Variants in FLT1 observed in about 807,000 individuals in gnomAD.
The protein encoded by FLT1 is fms related receptor tyrosine kinase 1.
In FLT1, 49 loss-of-function variants were observed where a neutral mutation model predicts 156.3. The ratio of observed to expected loss-of-function variants is 0.31; its 90% CI spans 0.25 to 0.40. The LOEUF is 0.40. Ranked by LOEUF, FLT1 falls within the 10% of genes least tolerant of loss-of-function variation. FLT1 has a pLI of 1.00. For missense variants in FLT1, 1,322 were observed against 1,637.2 expected, an observed-to-expected ratio of 0.81 and a Z score of 3.32; for synonymous variants, 594 against 583.8, an observed-to-expected ratio of 1.02 and a Z score of -0.25.
At chr13:28,485,453 T>C (rs1881096728) in intron 1 of FLT1, among the ~76,000 whole-genome samples, 1 of 152,136 alleles carries the variant, frequency 6.6e-6, no homozygotes, top group African/African-American at 2.4e-5. Context: ...TTTTATTTTT[T>C]ATTTATTTAT....
chr13:28,473,765 GGAAGGAAGGAAGGAAA>G (rs1317649912), intron 1 of FLT1, among the ~76,000 whole-genome samples: 177 of 92,448 alleles, frequency 1.9e-3, no homozygotes, highest in African/African-American at 5.5e-3. Flanking sequence ...AAGGAAGGAA[GGAAGGAAGGAAGGAAA>G]GAAAGAAAGA....
chr13:28,426,810 A>C (rs547012606), intron 10 of FLT1, among the ~76,000 whole-genome samples: 5 of 152,338 alleles, frequency 3.3e-5, no homozygotes, highest in Admixed American at 2.0e-4. Flanking sequence ...ATGCTAATGC[A>C]ACTGACATAG....
intron 1 of FLT1, among the ~76,000 whole-genome samples, chr13:28,481,561 T>G (rs893670177): frequency 6.6e-6 from 1 of 152,104 alleles, no homozygotes; most frequent in African/African-American, 2.4e-5. Context: ...TGGCTCAGGA[T>G]ATGATTTCAG....
chr13:28,308,936 G>C lies in FLT1; in HGVS notation c.3636-9C>G. On this transcript the variant is annotated splice_polypyrimidine_tract_variant and intron_variant, in intron 27 of 29. Transcript: ENST00000282397. ...TGAAAGCATTTACGTATCTAATGAA[G>C]AAACAGAAAGAATTATCAAGACAGG... 6.6e-7 allele frequency: 1 copy of C among 1,524,386 alleles called. No individual in the cohort carries two copies. Among genetic ancestry groups the C allele is most frequent in the Non-Finnish European group, 9.1e-7 (1 of 1,097,818 alleles). The allele number at this position is 1,524,386 out of a possible 1,614,324, so 94.4% of individuals were successfully genotyped here.
rs1184013722 is a variant in FLT1 at position 28,439,358 on chromosome 13, G to GC, written c.389-1014dup. 2.0e-5 allele frequency among the ~76,000 whole-genome samples: 3 copies of GC among 152,132 alleles called. No individual in the cohort carries two copies. The highest frequency in any genetic ancestry group is 1.3e-4 in the Admixed American group (2 of 15,278). On this transcript the variant is annotated intron_variant, in intron 3 of 29. Coordinates refer to ENST00000282397, the MANE Select transcript of FLT1 (RefSeq NM_002019.4). This position sits in a 1 kb window ranked among gnomAD's most constrained non-coding sequence, Gnocchi z 4.1. ...ATTTGGACCTGAAAGAACCAACCAG[G>GC]CCCCCACCTGCTTGCTGGTCCTGCC...
intron 3 of FLT1, among the ~76,000 whole-genome samples, chr13:28,449,806 T>G (rs1021567829): frequency 3.9e-5 from 6 of 152,214 alleles, no homozygotes. Flanking sequence ...AAGACATTGC[T>G]TTTTGTTTTG....
At chr13:28,426,022 T>G (rs1434608769) in intron 10 of FLT1, among the ~76,000 whole-genome samples, 1 of 152,022 alleles carries the variant, frequency 6.6e-6, no homozygotes, top group Non-Finnish European at 1.5e-5. Context: ...CTGAGAGTAA[T>G]ACACCCTAAG....
chr13:28,322,926 CT>C lies in FLT1; in HGVS notation c.2816del (p.Glu939GlyfsTer19). The C allele has an allele frequency of 6.2e-7, 1 of 1,614,096 alleles. No individual in the cohort carries two copies. The highest frequency in any genetic ancestry group is 8.5e-7 in the Non-Finnish European group (1 of 1,180,018). ...FLNKDAALHMEPKKEKMEPGL... is the reference protein window; with the variant it reads ...FLNKDAALHMXPKKEKMEPGL... ...CTGGCTCCATTTTTTCTTTCTTAGGCTCCATGTGTAGTGCTGCATCCTTTGA... is the reference window on the plus strand; with the variant it reads ...CTGGCTCCATTTTTTCTTTCTTAGGCCCATGTGTAGTGCTGCATCCTTTGA... On this transcript the variant is annotated frameshift_variant, in exon 21 of 30. Coordinates refer to ENST00000282397, the MANE Select transcript of FLT1 (RefSeq NM_002019.4). LOFTEE classifies it high-confidence loss of function. The surrounding 1 kb of genome is among the most constrained non-coding windows in gnomAD (Gnocchi z 4.3).
At chr13:28,448,134 C>A (rs1233487566) in intron 3 of FLT1, among the ~76,000 whole-genome samples, 2 of 152,186 alleles carry the variant, frequency 1.3e-5, no homozygotes, top group Non-Finnish European at 2.9e-5. Flanking sequence ...TGTGGAGCAA[C>A]TGGAACTCTC....
chr13:28,315,049 C>G lies in FLT1; in HGVS notation c.3386+2449G>C, dbSNP rs373883639. Among the ~76,000 whole-genome samples, 7 of 152,314 alleles carry G rather than the reference C, an allele frequency of 4.6e-5. No homozygotes were observed. In the East Asian group the frequency reaches 7.7e-4, roughly 17 times the overall value. ...GCAGTGTAGGATGGTGCTGTGGACTCTGGACTCAAGCTGAATTCGCTTATT... is the reference window on the plus strand; with the variant it reads ...GCAGTGTAGGATGGTGCTGTGGACTGTGGACTCAAGCTGAATTCGCTTATT... On this transcript the variant is annotated intron_variant, in intron 25 of 29. Coordinates refer to ENST00000282397, the MANE Select transcript of FLT1 (RefSeq NM_002019.4).
chr13:28,372,044 G>A (rs1351096952), intron 14 of FLT1, among the ~76,000 whole-genome samples: 1 of 13,432 alleles, frequency 7.4e-5, no homozygotes, highest in African/African-American at 1.6e-4. Flanking sequence ...GTGTGTGTGT[G>A]TGTGTATATA....
rs183806204 is a variant in FLT1 at position 28,444,613 on chromosome 13, T to A, written c.389-6268A>T. On this transcript the variant is annotated intron_variant, in intron 3 of 29. Coordinates refer to ENST00000282397, the MANE Select transcript of FLT1 (RefSeq NM_002019.4). Reference sequence around the variant, plus strand: ...GAAACATTCTCCAAGATAGACCATATGCTAGACCATAAAACAAACCTCAAT... The same window carrying A: ...GAAACATTCTCCAAGATAGACCATAAGCTAGACCATAAAACAAACCTCAAT... Among the ~76,000 whole-genome samples, 3 of 152,288 alleles carry A rather than the reference T, an allele frequency of 2.0e-5. No individual in the cohort carries two copies. The East Asian group carries it at 5.8e-4, about 29-fold the overall frequency.
intron 12 of FLT1, among the ~76,000 whole-genome samples, chr13:28,393,155 T>G (rs547641823): frequency 4.9e-4 from 74 of 152,312 alleles, no homozygotes; most frequent in South Asian, 4.6e-3. Flanking sequence ...TCTAACATAT[T>G]ATCACATCCA....
At chr13:28,488,404 A>C (rs1272925327) in intron 1 of FLT1, among the ~76,000 whole-genome samples, 1 of 152,188 alleles carries the variant, frequency 6.6e-6, no homozygotes, top group Non-Finnish European at 1.5e-5. Context: ...CGTCTCAAAA[A>C]AAAGGAAATG....
At chr13:28,360,041 G>T (rs1337182498) in intron 14 of FLT1, among the ~76,000 whole-genome samples, 5 of 81,594 alleles carry the variant, frequency 6.1e-5, no homozygotes, top group African/African-American at 1.7e-4. Flanking sequence ...AACTGGGGAG[G>T]CAGAGGTTGC....
At chr13:28,491,442 T>G (rs1881465915) in intron 1 of FLT1, among the ~76,000 whole-genome samples, 1 of 152,326 alleles carries the variant, frequency 6.6e-6, no homozygotes, top group African/African-American at 2.4e-5. Flanking sequence ...GAAGAGTTAA[T>G]GCAACTAGAG....
intron 28 of FLT1, among the ~76,000 whole-genome samples, chr13:28,307,586 T>C (rs1399029649): frequency 6.6e-6 from 1 of 152,148 alleles, no homozygotes; most frequent in African/African-American, 2.4e-5. Context: ...TTATTTTTGA[T>C]GCTTAAAATA....
intron 1 of FLT1, among the ~76,000 whole-genome samples, chr13:28,493,573 A>C (rs933093947): frequency 1.3e-5 from 2 of 152,054 alleles, no homozygotes; most frequent in African/African-American, 2.4e-5. Context: ...TCTTCCCGGG[A>C]ATCATTGCAA....
At chr13:28,438,474 A>T in intron 3 of FLT1, 129 bp from the exon 4 acceptor site, 1 of 728,642 alleles carries the variant, frequency 1.4e-6, no homozygotes, top group Non-Finnish European at 2.4e-6. Context: ...TAATCCATAC[A>T]TTCACATCTT....
Sources: allele counts gnomAD v4.1 joint callset (sites outside exome capture counted in the v4.1 genomes callset), GRCh38; gene constraint gnomAD v4.1.1; non-coding constraint Gnocchi (gnomAD v3.1); transcripts MANE v1.5; gene names NCBI Gene and HGNC (gene_info 2026-07-23, HGNC 2026-07-21).